Variants in CADPS observed in about 807,000 individuals in gnomAD.
CADPS encodes calcium-dependent secretion activator 1.
In CADPS, 57 loss-of-function variants were observed where a neutral mutation model predicts 167.3. That is an observed-to-expected ratio of 0.34 (90% CI 0.28 to 0.42). The LOEUF (loss-of-function observed/expected upper bound fraction) is 0.42. Ranked by LOEUF, CADPS falls within the 20% of genes least tolerant of loss-of-function variation. The pLI is 1.00. For missense variants in CADPS, 1,414 were observed against 1,738.1 expected (o/e 0.81, Z 3.32); for synonymous variants, 676 against 635.3 (o/e 1.06, Z -0.96).
In CADPS at chr3:62,438,708, A is replaced by G. The variant is rs2055651678; in HGVS notation, c.3670-497T>C. The G allele has an allele frequency of 7.0e-6, 1 of 143,052 alleles. No individual in the cohort carries two copies. The highest frequency in any genetic ancestry group is 2.7e-5 in the African/African-American group (1 of 36,528). The allele number at this position is 143,052 out of a possible 1,614,324, so 8.9% of individuals were successfully genotyped here. A position where few individuals can be genotyped will look rare whatever the true frequency, so the allele number is the denominator to read the frequency against. On this transcript the variant is annotated intron_variant, in intron 27 of 29. Transcript: ENST00000383710. The surrounding 1 kb of genome is among the most constrained non-coding windows in gnomAD (Gnocchi z 4.7). ...TTCAATCTATACCTCTTCCTACCCA[A>G]GTCTCATTGTGTGTGTGTGTGTGTG...
chr3:62,413,361 T>C (rs2049349594), intron 28 of CADPS, among the ~76,000 whole-genome samples: 2 of 152,028 alleles, frequency 1.3e-5, no homozygotes, highest in South Asian at 4.1e-4. Flanking sequence ...AGCTGGAAGG[T>C]AGAAGCAACC....
chr3:62,774,898 T>G (rs1446233218), intron 1 of CADPS, among the ~76,000 whole-genome samples: 2 of 152,196 alleles, frequency 1.3e-5, no homozygotes, highest in Non-Finnish European at 2.9e-5. Flanking sequence ...CAAGTGGTGG[T>G]ATTTTCTTGA....
chr3:62,488,012 AAAG>A (rs375042663), intron 21 of CADPS, among the ~76,000 whole-genome samples: 1 of 152,194 alleles, frequency 6.6e-6, no homozygotes, highest in Admixed American at 6.5e-5. Flanking sequence ...TAAATTTTGA[AAAG>A]AAGAAGAACA....
Position 62,792,887 on chromosome 3 carries a change from T to G in CADPS, c.442-26903A>C, listed in dbSNP as rs186547537. ...TACTGGGATTACAGGCATAAGTCACTGCACACAGCTAACAAATATTTATTG... is the reference window on the plus strand; with the variant it reads ...TACTGGGATTACAGGCATAAGTCACGGCACACAGCTAACAAATATTTATTG... On this transcript the variant is annotated intron_variant, in intron 1 of 29. Transcript: ENST00000383710. Among the ~76,000 whole-genome samples the G allele has an allele frequency of 3.4e-3, 516 of 152,298 alleles. 2 individuals carry two copies. Among genetic ancestry groups the G allele is most frequent in the Middle Eastern group, 6.8e-3 (2 of 294 alleles).
intron 13 of CADPS, among the ~76,000 whole-genome samples, chr3:62,528,573 A>C (rs185141306): frequency 6.6e-6 from 1 of 152,328 alleles, no homozygotes; most frequent in African/African-American, 2.4e-5. Flanking sequence ...TCCATAGAAG[A>C]TAATTTTAGA....
intron 28 of CADPS, among the ~76,000 whole-genome samples, chr3:62,436,738 A>G (rs1177493031): frequency 6.6e-6 from 1 of 152,200 alleles, no homozygotes; most frequent in Admixed American, 6.5e-5. Context: ...TTGACATGAG[A>G]GATAAGTTCC....
At position 62,874,636 on chromosome 3, in the gene CADPS, G is replaced by C. The variant is rs763206239; in HGVS notation, c.394C>G (p.Pro132Ala). The C allele has an allele frequency of 2.6e-6, 4 of 1,560,544 alleles. No homozygotes were observed. Among genetic ancestry groups the C allele is most frequent in the Non-Finnish European group, 3.5e-6 (4 of 1,151,608 alleles). Reference sequence around the variant, plus strand: ...TCGGTGGGCTGCTTGGCATTAAAGGGGTAGGCGATGCAGCGCATCACGAAC... The same window carrying C: ...TCGGTGGGCTGCTTGGCATTAAAGGCGTAGGCGATGCAGCGCATCACGAAC... ...YVFVMRCIAY[P>A]FNAKQPTDMA... The change falls in exon 1 of 30, where the codon CCC (proline) becomes GCC (alanine). Residue 132 changes from proline to alanine, a missense_variant. This residue lies in a region of CADPS where 522 missense variants were observed against 559.5 expected (regional missense o/e 0.93). Transcript: ENST00000383710. The surrounding 1 kb of genome is among the most constrained non-coding windows in gnomAD (Gnocchi z 7.1).
intron 3 of CADPS, among the ~76,000 whole-genome samples, chr3:62,721,608 T>A (rs539213252): frequency 6.6e-6 from 1 of 152,132 alleles, no homozygotes; most frequent in Non-Finnish European, 1.5e-5. Flanking sequence ...ATTGTCAGTA[T>A]CTAGTTTGAC....
At chr3:62,655,026 G>T (rs372846063) in intron 4 of CADPS, among the ~76,000 whole-genome samples, 2 of 152,202 alleles carry the variant, frequency 1.3e-5, no homozygotes, top group African/African-American at 4.8e-5. Flanking sequence ...CTGACTGAGG[G>T]TTAGCTCCAC....
chr3:62,675,888 G>A (rs1239770083), intron 3 of CADPS, among the ~76,000 whole-genome samples: 1 of 151,938 alleles, frequency 6.6e-6, no homozygotes, highest in Non-Finnish European at 1.5e-5. Context: ...TGCTTTTTAG[G>A]GTCTTCAGAG....
intron 4 of CADPS, among the ~76,000 whole-genome samples, chr3:62,655,273 C>G (rs1466166483): frequency 6.6e-6 from 1 of 152,154 alleles, no homozygotes; most frequent in Admixed American, 6.6e-5. Flanking sequence ...AAACACATTT[C>G]AAAGCTGAAC....
intron 8 of CADPS, among the ~76,000 whole-genome samples, chr3:62,571,467 A>T (rs2081271627): frequency 6.6e-6 from 1 of 152,186 alleles, no homozygotes; most frequent in Non-Finnish European, 1.5e-5. Context: ...TTCTGTTGAA[A>T]GAAATTAATT....
At chr3:62,871,297 T>C (rs1398344956) in intron 1 of CADPS, among the ~76,000 whole-genome samples, 2 of 152,142 alleles carry the variant, frequency 1.3e-5, no homozygotes, top group Non-Finnish European at 2.9e-5. Flanking sequence ...TGATACAGTC[T>C]AGTGTTAAAT....
At chr3:62,624,139 G>A (rs1275280195) in intron 6 of CADPS, among the ~76,000 whole-genome samples, 1 of 152,106 alleles carries the variant, frequency 6.6e-6, no homozygotes, top group South Asian at 2.1e-4. Flanking sequence ...GGCCTGAAAC[G>A]TCAACAGTGC....
At chr3:62,617,495 T>G (rs534028257) in intron 6 of CADPS, among the ~76,000 whole-genome samples, 1 of 152,220 alleles carries the variant, frequency 6.6e-6, no homozygotes, top group East Asian at 1.9e-4. Context: ...ATATCAAGTA[T>G]CCCCTGTGCT....
At chr3:62,464,373 G>A in intron 26 of CADPS, among the ~76,000 whole-genome samples, 1 of 152,162 alleles carries the variant, frequency 6.6e-6, no homozygotes, top group East Asian at 1.9e-4. Flanking sequence ...CATACAGTGA[G>A]GCTGTTTTAA....
chr3:62,523,311 T>C (rs747696536), intron 13 of CADPS, among the ~76,000 whole-genome samples: 7 of 152,172 alleles, frequency 4.6e-5, no homozygotes, highest in Non-Finnish European at 7.3e-5. Flanking sequence ...CTAATATCTA[T>C]TATAGGATTA....
intron 21 of CADPS, among the ~76,000 whole-genome samples, chr3:62,482,354 A>G (rs887651637): frequency 1.3e-5 from 2 of 152,224 alleles, no homozygotes; most frequent in African/African-American, 4.8e-5. Context: ...CAAATAGAGT[A>G]GGAAGTTCAC....
rs145044957 is a variant in CADPS at position 62,444,201 on chromosome 3, G to A, written c.3669+1564C>T. ...ACCACAGCTACCAAATCTTTGGGTC[G>A]AAAGCCGAGAATTTCAATTTCTATC... On this transcript the variant is annotated intron_variant, in intron 27 of 29. Coordinates refer to ENST00000383710, the MANE Select transcript of CADPS (RefSeq NM_003716.4). Among the ~76,000 whole-genome samples the A allele has an allele frequency of 4.1e-3, 626 of 152,238 alleles. 3 individuals carry two copies. The highest frequency in any genetic ancestry group is 0.017 in the Middle Eastern group (5 of 294).
Sources: allele counts gnomAD v4.1 joint callset (sites outside exome capture counted in the v4.1 genomes callset), GRCh38; gene constraint gnomAD v4.1.1; regional missense constraint gnomAD v4.1.1; non-coding constraint Gnocchi (gnomAD v3.1); transcripts MANE v1.5; gene names NCBI Gene and HGNC (gene_info 2026-07-23, HGNC 2026-07-21).